The following SLC9C2 variants were observed in gnomAD, a reference collection of about 807,000 sequenced individuals.
SLC9C2 encodes the protein sodium/hydrogen exchanger 11.
In SLC9C2, 75 loss-of-function variants were observed where a neutral mutation model predicts 140.2. The ratio of observed to expected loss-of-function variants is 0.53; its 90% CI spans 0.44 to 0.65. The LOEUF is 0.65. Ranked by LOEUF, SLC9C2 falls within the 30% of genes least tolerant of loss-of-function variation. The pLI, the probability that SLC9C2 is intolerant of heterozygous loss-of-function variation, is 0.00. For missense variants in SLC9C2, 1,074 were observed against 1,331.8 expected, an observed-to-expected ratio of 0.81 and a Z score of 3.01; for synonymous variants, 375 against 420.9, an observed-to-expected ratio of 0.89 and a Z score of 1.34.
chr1:173,602,329 C>T (rs901808529), intron 1 of SLC9C2, among the ~76,000 whole-genome samples: 3 of 152,158 alleles, frequency 2.0e-5, no homozygotes, highest in African/African-American at 7.2e-5. Context: ...TTTACCACTC[C>T]AGCCCTAATA....
At chr1:173,521,129 A>G (rs1006755175) in intron 22 of SLC9C2, among the ~76,000 whole-genome samples, 172 bp downstream of exon 22, 3 of 152,192 alleles carry the variant, frequency 2.0e-5, no homozygotes, top group Non-Finnish European at 4.4e-5. Flanking sequence ...AATGGGAAGC[A>G]CATTTCAGGT....
intron 18 of SLC9C2, 101 bp downstream of exon 18, chr1:173,529,804 G>A (rs1226898208): frequency 7.6e-7 from 1 of 1,320,700 alleles, no homozygotes; most frequent in African/African-American, 1.5e-5. Flanking sequence ...TTCAACTGTT[G>A]GAATTTGTCT....
At chr1:173,547,263 A>C (rs1662915533) in intron 13 of SLC9C2, among the ~76,000 whole-genome samples, 1 of 152,006 alleles carries the variant, frequency 6.6e-6, no homozygotes, top group Non-Finnish European at 1.5e-5. Flanking sequence ...ACAACATTTC[A>C]AGAGAATTTT....
chr1:173,521,347 C>G lies in SLC9C2; in HGVS notation c.2693G>C (p.Gly898Ala), dbSNP rs1418848849. ...TAAGTAGATTCCTTGTGGCATTTCA[C>G]CTCCTTTACAAATGGTATCTCCAGA... is the stretch of plus-strand genomic sequence containing the variant. ...FDSGDTICKGGEMPQGIYLII... is the reference protein window; with the variant it reads ...FDSGDTICKGAEMPQGIYLII... Residue 898 changes from glycine to alanine, a missense_variant, in exon 22 of 28, where the codon GGT (glycine) becomes GCT (alanine). By Grantham distance (60) the Gly-to-Ala change is moderately conservative. Coordinates refer to ENST00000367714, the MANE Select transcript of SLC9C2 (RefSeq NM_178527.4). 1 of 1,558,320 alleles carries G rather than the reference C, an allele frequency of 6.4e-7. No individual in the cohort carries two copies. Among genetic ancestry groups the G allele is most frequent in the East Asian group, 2.4e-5 (1 of 41,362 alleles).
chr1:173,584,306 T>C (rs1665725845), intron 5 of SLC9C2, among the ~76,000 whole-genome samples: 1 of 152,148 alleles, frequency 6.6e-6, no homozygotes, highest in Non-Finnish European at 1.5e-5. Context: ...GACAGATACA[T>C]AGAAACCAAA....
chr1:173,531,623 C>A (rs190499806), intron 17 of SLC9C2, among the ~76,000 whole-genome samples: 11 of 152,314 alleles, frequency 7.2e-5, no homozygotes, highest in Admixed American at 1.3e-4. Context: ...TGCAGGCTGC[C>A]TGTTGTTTCC....
intron 9 of SLC9C2, among the ~76,000 whole-genome samples, chr1:173,563,766 C>T (rs914999845): frequency 6.6e-6 from 1 of 152,094 alleles, no homozygotes; most frequent in African/African-American, 2.4e-5. Flanking sequence ...CAACTATAGT[C>T]ACCCTGTTGT....
intron 7 of SLC9C2, among the ~76,000 whole-genome samples, chr1:173,580,766 C>T (rs919258895): frequency 4.6e-5 from 7 of 152,066 alleles, no homozygotes; most frequent in African/African-American, 1.7e-4. Context: ...GTCTGCCTAA[C>T]TCCAAAGCTC....
At chr1:173,602,022 C>T (rs1338284718) in intron 1 of SLC9C2, among the ~76,000 whole-genome samples, 167 bp from the exon 2 acceptor site, 2 of 152,130 alleles carry the variant, frequency 1.3e-5, no homozygotes, top group Non-Finnish European at 2.9e-5. Flanking sequence ...TTTATAGGAA[C>T]ACTAACAGCA....
intron 27 of SLC9C2, among the ~76,000 whole-genome samples, chr1:173,501,401 T>A (rs1272346736): frequency 2.6e-5 from 4 of 152,138 alleles, no homozygotes; most frequent in Non-Finnish European, 5.9e-5. Context: ...TATGACTGAT[T>A]GCAGGGCTAT....
chr1:173,541,246 T>C (rs560061992), intron 13 of SLC9C2, among the ~76,000 whole-genome samples: 34 of 150,532 alleles, frequency 2.3e-4, no homozygotes, highest in African/African-American at 8.3e-4. Context: ...CCAACAAACA[T>C]CAAAAGAGAC....
rs528297790 is a variant in SLC9C2 at position 173,557,256 on chromosome 1, A to G, written c.1215+84T>C. ...TAAAAATCTAATTCAAAGCTGGTTA[A>G]CTTTATTACTGGGTTCTCTGACAAG... is the stretch of plus-strand genomic sequence containing the variant. On this transcript the variant is annotated intron_variant, in intron 10 of 27. Transcript: ENST00000367714. 19 of 1,316,114 alleles carry G rather than the reference A, an allele frequency of 1.4e-5. No homozygotes were observed. The Admixed American group carries it at 4.0e-4, about 27-fold the overall frequency. 81.5% of individuals were successfully genotyped at this position (1,316,114 alleles called of 1,614,324 possible). A position where few individuals can be genotyped will look rare whatever the true frequency, so the allele number is the denominator to read the frequency against.
chr1:173,505,716 T>C (rs528339213), intron 25 of SLC9C2, among the ~76,000 whole-genome samples: 2 of 152,318 alleles, frequency 1.3e-5, no homozygotes, highest in South Asian at 4.1e-4. Flanking sequence ...CCATGTGCCA[T>C]AAAATCTGCC....
chr1:173,584,998 ATCT>A (rs2102229190), intron 5 of SLC9C2, among the ~76,000 whole-genome samples: 1 of 152,310 alleles, frequency 6.6e-6, no homozygotes, highest in Admixed American at 6.5e-5. Flanking sequence ...AATAAAACAA[ATCT>A]TCTATAATTC....
chr1:173,518,074 C>A (rs1369004086), intron 22 of SLC9C2, among the ~76,000 whole-genome samples: 1 of 152,142 alleles, frequency 6.6e-6, no homozygotes, highest in African/African-American at 2.4e-5. Context: ...GCCTGGCCAA[C>A]ATGGTGAAAC....
chr1:173,600,675 G>A (rs564935437), intron 2 of SLC9C2, among the ~76,000 whole-genome samples: 2 of 152,176 alleles, frequency 1.3e-5, no homozygotes, highest in South Asian at 2.1e-4. Context: ...CTTCTTACAG[G>A]TAAGACCAGA....
chr1:173,571,725 G>A (rs1489757412), intron 9 of SLC9C2: 8 of 152,096 alleles, frequency 5.3e-5, no homozygotes, highest in Non-Finnish European at 1.0e-4. Flanking sequence ...GGTGTCCTAA[G>A]TGCCTGGAAC....
rs187908611 is a variant in SLC9C2, at chr1:173,533,270, A to T, written c.2163+339T>A. The stretch of plus-strand genomic sequence containing the variant: ...AATACTTTATTTTATTATTATTATT[A>T]TTTTTTGAGACAGAGTCTGGCTCTG... On this transcript the variant is annotated intron_variant, in intron 17 of 27. Coordinates refer to ENST00000367714, the MANE Select transcript of SLC9C2 (RefSeq NM_178527.4). Among the ~76,000 whole-genome samples the T allele has an allele frequency of 3.1e-3, 476 of 152,186 alleles. 2 individuals are homozygous for T. The highest frequency in any genetic ancestry group is 0.011 in the African/African-American group (438 of 41,536).
intron 9 of SLC9C2, among the ~76,000 whole-genome samples, chr1:173,561,766 C>A (rs1398880366): frequency 1.3e-5 from 2 of 151,704 alleles, no homozygotes; most frequent in Non-Finnish European, 2.9e-5. Flanking sequence ...CCATTGCCAC[C>A]ACCAGTGACC....
Sources: allele counts gnomAD v4.1 joint callset (sites outside exome capture counted in the v4.1 genomes callset), GRCh38; gene constraint gnomAD v4.1.1; transcripts MANE v1.5; gene names NCBI Gene and HGNC (gene_info 2026-07-23, HGNC 2026-07-21).